The following INPP5F variants were observed in gnomAD, a reference collection of about 807,000 sequenced individuals.
INPP5F encodes phosphatidylinositide 4-phosphatase SAC2.
In INPP5F, 97 loss-of-function variants were observed where a neutral mutation model predicts 137.2. The ratio of observed to expected loss-of-function variants is 0.71; its 90% CI spans 0.60 to 0.84. INPP5F has a LOEUF of 0.84. Ranked by LOEUF, INPP5F falls within the 40% of genes least tolerant of loss-of-function variation. INPP5F has a pLI of 0.00. For missense variants in INPP5F, 1,271 were observed against 1,371.9 expected, an observed-to-expected ratio of 0.93 and a Z score of 1.16; for synonymous variants, 504 against 476.9, an observed-to-expected ratio of 1.06 and a Z score of -0.74.
Position 119,747,789 on chromosome 10 carries a change from G to A in INPP5F, c.98-3287G>A, listed in dbSNP as rs554641235. On this transcript the variant is annotated intron_variant, in intron 1 of 19. Coordinates refer to ENST00000650623, the MANE Select transcript of INPP5F (RefSeq NM_014937.4). Reference sequence around the variant, plus strand: ...AAATCACTTAAATGTTTTCTTTGAGGAAGTACTTCCTTAAGTGGAAAATTG... The same window carrying A: ...AAATCACTTAAATGTTTTCTTTGAGAAAGTACTTCCTTAAGTGGAAAATTG... 3.5e-4 allele frequency among the ~76,000 whole-genome samples: 54 copies of A among 152,216 alleles called. 1 individual carries two copies. In the South Asian group the frequency reaches 8.9e-3, roughly 25 times the overall value.
At chr10:119,814,867 CTTTT>C (rs1002872034) in intron 15 of INPP5F, among the ~76,000 whole-genome samples, 1 of 151,934 alleles carries the variant, frequency 6.6e-6, no homozygotes, top group South Asian at 2.1e-4. Flanking sequence ...GTTTCTTCTA[CTTTT>C]TTTGTTTTTT....
chr10:119,795,700 T>C (rs994627787), intron 6 of INPP5F, among the ~76,000 whole-genome samples: 1 of 152,100 alleles, frequency 6.6e-6, no homozygotes, highest in Non-Finnish European at 1.5e-5. Context: ...GGCTGCAATC[T>C]CGGCACTTTG....
In INPP5F at chr10:119,826,774, G is replaced by A. The variant is rs747593528; in HGVS notation, c.2393G>A (p.Gly798Asp). The A allele has an allele frequency of 5.0e-5, 81 of 1,613,530 alleles. No individual in the cohort carries two copies. The highest frequency in any genetic ancestry group is 6.5e-5 in the Non-Finnish European group (77 of 1,179,928). The change falls in exon 20 of 20, where the codon GGC becomes GAC. Residue 798 changes from glycine to aspartate, a missense_variant. By Grantham distance (94) the Gly-to-Asp change is moderately conservative. Around this residue, in one of 6 missense-constraint regions of INPP5F, gnomAD observed 490 missense variants for 443.7 expected, o/e 1.10. Coordinates refer to ENST00000650623, the MANE Select transcript of INPP5F (RefSeq NM_014937.4). ...VKQTKSNVNI[G>D]NLRKLGNFTK... ...CAGACCAAATCCAATGTAAATATTG[G>A]CAACCTCCGAAAGCTAGGAAACTTT...
intron 1 of INPP5F, among the ~76,000 whole-genome samples, chr10:119,747,191 A>C (rs1184944736): frequency 6.6e-6 from 1 of 152,134 alleles, no homozygotes; most frequent in Admixed American, 6.5e-5. Flanking sequence ...AAATTAGCAA[A>C]ATTAGATAAA....
chr10:119,771,592 A>G (rs1025044514), intron 2 of INPP5F, among the ~76,000 whole-genome samples: 1 of 151,942 alleles, frequency 6.6e-6, no homozygotes, highest in East Asian at 1.9e-4. Context: ...ACAAACAAAT[A>G]CAATTATTAT....
intron 6 of INPP5F, among the ~76,000 whole-genome samples, chr10:119,794,939 G>A (rs1209595040): frequency 2.2e-5 from 3 of 133,344 alleles, no homozygotes; most frequent in Non-Finnish European, 3.3e-5. Flanking sequence ...GCGGCTGGCC[G>A]GGCAGAGGGG....
chr10:119,796,793 G>T lies in INPP5F; in HGVS notation c.748G>T (p.Glu250Ter). 1 of 1,613,082 alleles carries T rather than the reference G, an allele frequency of 6.2e-7. No individual in the cohort carries two copies. The highest frequency in any genetic ancestry group is 8.5e-7 in the Non-Finnish European group (1 of 1,179,432). Residue 250 changes from glutamate (E) to a stop codon, truncating the protein, a stop_gained, in exon 7 of 20, where the codon GAA becomes TAA. Coordinates refer to ENST00000650623, the MANE Select transcript of INPP5F (RefSeq NM_014937.4). LOFTEE classifies it high-confidence loss of function. The stretch of plus-strand genomic sequence containing the variant: ...TGAAGAACTTGTGGTTAATTATACC[G>T]AATCATCTGATGATGAGAAAAGCAG... Reference protein sequence around the residue: ...QIEELVVNYTESSDDEKSSPE... With the variant: ...QIEELVVNYT
At chr10:119,815,631 G>T in intron 15 of INPP5F, 3 of 302,824 alleles carry the variant, frequency 9.9e-6, no homozygotes, top group South Asian at 7.4e-5. Flanking sequence ...CAGAGAAGCT[G>T]ACTTGGGTCT....
intron 2 of INPP5F, among the ~76,000 whole-genome samples, chr10:119,779,714 A>G (rs951066824): frequency 2.0e-5 from 3 of 152,120 alleles, no homozygotes; most frequent in Admixed American, 6.5e-5. Context: ...ATGAGCCTCC[A>G]TGCCCTGCCA....
chr10:119,802,788 A>G (rs1850637352), intron 9 of INPP5F, among the ~76,000 whole-genome samples: 1 of 152,210 alleles, frequency 6.6e-6, no homozygotes, highest in South Asian at 2.1e-4. Flanking sequence ...TTCTGAAAAG[A>G]TCACACCAGG....
chr10:119,795,510 C>T (rs577663143), intron 6 of INPP5F, among the ~76,000 whole-genome samples: 4 of 151,624 alleles, frequency 2.6e-5, no homozygotes, highest in African/African-American at 7.3e-5. Flanking sequence ...CCTCACTTCC[C>T]AGATGTGATG....
chr10:119,784,426 T>A (rs1034224555), intron 3 of INPP5F, among the ~76,000 whole-genome samples: 1 of 152,256 alleles, frequency 6.6e-6, no homozygotes, highest in African/African-American at 2.4e-5. Flanking sequence ...ATAGGAAGAC[T>A]TTGTTAAACA....
Position 119,827,300 on chromosome 10 carries a change from C to T in INPP5F, c.2919C>T (p.His973=), listed in dbSNP as rs1851804732. 6.2e-7 allele frequency: 1 copy of T among 1,614,132 alleles called. No homozygotes were observed. Among genetic ancestry groups the T allele is most frequent in the Non-Finnish European group, 8.5e-7 (1 of 1,180,008 alleles). The change falls in exon 20 of 20, where the codon CAC becomes CAT. Residue 973 remains histidine, a synonymous_variant. Coordinates refer to ENST00000650623, the MANE Select transcript of INPP5F (RefSeq NM_014937.4). ...AAGATGCACAGAACAAAGTGACCCA[C>T]CTATCAGAGACCAGATCTGTGTCTC... is the stretch of plus-strand genomic sequence containing the variant. The part of the protein sequence containing the change: ...FVQDAQNKVT[H]LSETRSVSQQ...
intron 15 of INPP5F, among the ~76,000 whole-genome samples, chr10:119,815,020 C>T (rs1851208863): frequency 6.6e-6 from 1 of 152,082 alleles, no homozygotes; most frequent in Admixed American, 6.5e-5. Context: ...CACCTGACAC[C>T]ACGCCCGGCT....
At chr10:119,774,215 TCACGC>T (rs1849447954) in intron 2 of INPP5F, among the ~76,000 whole-genome samples, 5 of 130,146 alleles carry the variant, frequency 3.8e-5, no homozygotes, top group African/African-American at 1.5e-4. Context: ...TGAGCTGAGA[TCACGC>T]CACTGTACTC....
At chr10:119,800,250 A>G (rs528182946) in intron 9 of INPP5F, among the ~76,000 whole-genome samples, 2 of 152,206 alleles carry the variant, frequency 1.3e-5, no homozygotes, top group South Asian at 2.1e-4. Flanking sequence ...AAGGTCTCAT[A>G]TCTAGAGTAT....
At chr10:119,810,012 AT>A in intron 13 of INPP5F, 87 bp from the exon 14 acceptor site, 2 of 765,982 alleles carry the variant, frequency 2.6e-6, no homozygotes, top group Non-Finnish European at 4.6e-6. Context: ...AGCCTGTAGA[AT>A]TCTAGACTTG....
chr10:119,745,765 C>G (rs143826375), intron 1 of INPP5F, among the ~76,000 whole-genome samples: 1 of 130,096 alleles, frequency 7.7e-6, no homozygotes, highest in Non-Finnish European at 1.5e-5. Context: ...AGTGCAGTGT[C>G]GTGATCTCGG....
Position 119,750,233 on chromosome 10 carries a change from GATAATA to G in INPP5F, c.98-840_98-835del, listed in dbSNP as rs1192508765. Among the ~76,000 whole-genome samples the G allele has an allele frequency of 3.9e-5, 6 of 152,314 alleles. No individual in the cohort carries two copies. In the South Asian group the frequency reaches 1.2e-3, roughly 32 times the overall value. On this transcript the variant is annotated intron_variant, in intron 1 of 19. Transcript: ENST00000650623. ...AGTTTCACTAAAATAAATTGTAAAT[GATAATA>G]ATGAAAATGTAATTTTAATTTTCTG...
Sources: gnomAD v4.1 joint callset for allele counts (sites outside exome capture counted in the v4.1 genomes callset) on GRCh38, gnomAD v4.1.1 for gene constraint, gnomAD v4.1.1 regional missense constraint, MANE v1.5 for transcripts, NCBI Gene and HGNC (gene_info 2026-07-23, HGNC 2026-07-21) for gene names.